WDR59: variants seen among roughly 807,000 people sequenced by gnomAD.
The protein encoded by WDR59 is GATOR2 complex protein WDR59.
Under a neutral mutation model 131.2 loss-of-function variants are expected in WDR59, and 100 were observed. The observed-to-expected ratio is 0.76, with a 90% CI of 0.65 to 0.90. The LOEUF is 0.90. WDR59 is among the 40% of genes least tolerant of loss of function. The pLI is 0.00. For synonymous variants in WDR59, 601 were observed against 466.2 expected (o/e 1.29, Z -3.72); for missense variants, 1,203 against 1,262.2 (o/e 0.95, Z 0.71).
At chr16:74,881,870 C>T (rs1281668406) in intron 25 of WDR59, among the ~76,000 whole-genome samples, 1 of 126,976 alleles carries the variant, frequency 7.9e-6, no homozygotes, top group Non-Finnish European at 1.6e-5. Context: ...AAGACTCCGT[C>T]TCAAAAAAAA....
chr16:74,898,518 G>C (rs547076296), intron 18 of WDR59, among the ~76,000 whole-genome samples: 1 of 152,306 alleles, frequency 6.6e-6, no homozygotes, highest in African/African-American at 2.4e-5. Flanking sequence ...TGTTCATGGA[G>C]TTATGGCAAA....
Position 74,956,609 on chromosome 16 carries a change from G to A in WDR59, c.106C>T (p.Arg36Cys), listed in dbSNP as rs777153903. Residue 36 changes from arginine to cysteine, a missense_variant and splice_region_variant, in exon 3 of 26, where the codon CGC (arginine) becomes TGC (cysteine). Arg to Cys is a radical substitution (Grantham distance 180). Coordinates refer to ENST00000262144, the MANE Select transcript of WDR59 (RefSeq NM_030581.4). Reference sequence around the variant, plus strand: ...AGATTGACGATGTATAAGAATCTGCGGCTAGAGACCAACATCAACATTATA... The same window carrying A: ...AGATTGACGATGTATAAGAATCTGCAGCTAGAGACCAACATCAACATTATA... ...CLGQHAVLSGRRFLYIVNLDA... is the reference protein window; with the variant it reads ...CLGQHAVLSGCRFLYIVNLDA... 13 of 1,613,404 alleles carry A rather than the reference G, an allele frequency of 8.1e-6. No homozygotes were observed. The highest frequency in any genetic ancestry group is 4.5e-5 in the East Asian group (2 of 44,886).
chr16:74,978,149 T>G (rs2034262268), intron 1 of WDR59, among the ~76,000 whole-genome samples: 2 of 151,448 alleles, frequency 1.3e-5, no homozygotes, highest in Non-Finnish European at 2.9e-5. Flanking sequence ...AGGTCAGGAG[T>G]TCAAGACCAG....
intron 20 of WDR59, among the ~76,000 whole-genome samples, chr16:74,890,026 T>C (rs1964962285): frequency 6.6e-6 from 1 of 152,248 alleles, no homozygotes; most frequent in Non-Finnish European, 1.5e-5. Flanking sequence ...AGGGGAGTTA[T>C]GTGCACTCTA....
At chr16:74,980,356 CTT>C (rs35672894) in intron 1 of WDR59, among the ~76,000 whole-genome samples, 85 of 132,438 alleles carry the variant, frequency 6.4e-4, no homozygotes, top group Admixed American at 2.8e-3. Flanking sequence ...AAATCTAAGT[CTT>C]TTTTTTTTTT....
chr16:74,979,061 T>C (rs994561026), intron 1 of WDR59: 2 of 152,202 alleles, frequency 1.3e-5, no homozygotes, highest in African/African-American at 4.8e-5. Context: ...TACTCTGAAC[T>C]GTACTTTCCA....
intron 2 of WDR59, among the ~76,000 whole-genome samples, chr16:74,957,816 T>A (rs1235575463): frequency 1.3e-5 from 2 of 151,820 alleles, no homozygotes; most frequent in Admixed American, 1.3e-4. Context: ...AGATTAATCA[T>A]CCCTGCTCAG....
chr16:74,909,807 T>G lies in WDR59; in HGVS notation c.1485+15A>C, dbSNP rs1965995161. 1 of 1,607,030 alleles carries G rather than the reference T, an allele frequency of 6.2e-7. No homozygotes were observed. The highest frequency in any genetic ancestry group is 8.5e-7 in the Non-Finnish European group (1 of 1,178,590). ...ACCAAAGCCTAAGTTGGTATGACAGTTTCATGCTTCCCACCACAAAGGACT... is the reference window on the plus strand; with the variant it reads ...ACCAAAGCCTAAGTTGGTATGACAGGTTCATGCTTCCCACCACAAAGGACT... On this transcript the variant is annotated intron_variant, in intron 15 of 25. Coordinates refer to ENST00000262144, the MANE Select transcript of WDR59 (RefSeq NM_030581.4).
chr16:74,910,374 C>T (rs1304660038), intron 14 of WDR59, among the ~76,000 whole-genome samples: 1 of 152,172 alleles, frequency 6.6e-6, no homozygotes. Context: ...CTAATTTCTA[C>T]CTCTACCGAG....
intron 18 of WDR59, among the ~76,000 whole-genome samples, chr16:74,903,029 T>C (rs573197063): frequency 6.6e-6 from 1 of 152,308 alleles, no homozygotes; most frequent in African/African-American, 2.4e-5. Context: ...AACCCTAAAA[T>C]AAAGTCAGAG....
rs1226611060 is a variant in WDR59, at chr16:74,917,965, G to T, written c.930C>A (p.Thr310=). 1 of 1,614,044 alleles carries T rather than the reference G, an allele frequency of 6.2e-7. No individual in the cohort carries two copies. The highest frequency in any genetic ancestry group is 1.7e-5 in the Admixed American group (1 of 59,982). Reference sequence around the variant, plus strand: ...GGGAATCCACCCGCCACATTCTCAAGGTCTGATCCCGGGACCACGTCACCA... The same window carrying T: ...GGGAATCCACCCGCCACATTCTCAATGTCTGATCCCGGGACCACGTCACCA... ...YQLVTWSRDQ[T]LRMWRVDSQM... Residue 310 remains threonine (T), a synonymous_variant, in exon 11 of 26, where the codon ACC becomes ACA. Coordinates refer to ENST00000262144, the MANE Select transcript of WDR59 (RefSeq NM_030581.4).
chr16:74,942,443 T>C (rs1207973949), intron 7 of WDR59, among the ~76,000 whole-genome samples: 2 of 152,170 alleles, frequency 1.3e-5, no homozygotes, highest in East Asian at 3.9e-4. Context: ...GTCTTTATTT[T>C]GAAGGAAACT....
intron 25 of WDR59, 23 bp downstream of exon 25, chr16:74,885,630 A>T: frequency 6.2e-7 from 1 of 1,612,408 alleles, no homozygotes; most frequent in East Asian, 2.2e-5. Context: ...CAGTGAAAGG[A>T]AGAGAGAGAA....
chr16:74,949,759 A>T lies in WDR59; in HGVS notation c.366T>A (p.Val122=). The T allele has an allele frequency of 6.2e-7, 1 of 1,614,052 alleles. No individual in the cohort carries two copies. The highest frequency in any genetic ancestry group is 8.5e-7 in the Non-Finnish European group (1 of 1,179,948). ...AGATGTAGGTGTCCACAGAGCTGGTAACCAGGAGGTCAGGCTCAAACACCG... is the reference window on the plus strand; with the variant it reads ...AGATGTAGGTGTCCACAGAGCTGGTTACCAGGAGGTCAGGCTCAAACACCG... ...DWAVFEPDLL[V]TSSVDTYIYI... The change falls in exon 5 of 26, where the codon GTT becomes GTA. Residue 122 remains valine (V), a synonymous_variant. Coordinates refer to ENST00000262144, the MANE Select transcript of WDR59 (RefSeq NM_030581.4).
chr16:74,955,750 C>A (rs2033258327), intron 3 of WDR59, among the ~76,000 whole-genome samples: 1 of 152,088 alleles, frequency 6.6e-6, no homozygotes, highest in Non-Finnish European at 1.5e-5. Context: ...GGTCCTGCCC[C>A]TGGTGAATCA....
At chr16:74,881,378 G>C (rs1422439708) in intron 25 of WDR59, among the ~76,000 whole-genome samples, 3 of 149,826 alleles carry the variant, frequency 2.0e-5, no homozygotes, top group East Asian at 1.9e-4. Context: ...TTTTTTTTTA[G>C]AGACAGTTTC....
chr16:74,901,589 G>A (rs1031250661), intron 18 of WDR59, among the ~76,000 whole-genome samples: 5 of 151,402 alleles, frequency 3.3e-5, no homozygotes, highest in Non-Finnish European at 5.9e-5. Flanking sequence ...GTTGCAGTGA[G>A]CCATGTTCAC....
At chr16:74,925,870 A>T (rs2030738417) in intron 8 of WDR59, among the ~76,000 whole-genome samples, 1 of 151,974 alleles carries the variant, frequency 6.6e-6, no homozygotes, top group Non-Finnish European at 1.5e-5. Context: ...CTCCTCACCT[A>T]GCTGATTGGG....
chr16:74,911,435 C>T (rs2144936299), intron 14 of WDR59, among the ~76,000 whole-genome samples: 1 of 152,324 alleles, frequency 6.6e-6, no homozygotes, highest in African/African-American at 2.4e-5. Context: ...CAACATTCAG[C>T]TTGGCCTGAG....
Sources: gnomAD v4.1 joint callset for allele counts (sites outside exome capture counted in the v4.1 genomes callset) on GRCh38, gnomAD v4.1.1 for gene constraint, MANE v1.5 for transcripts, NCBI Gene and HGNC (gene_info 2026-07-23, HGNC 2026-07-21) for gene names.